Variants in PCDH15 observed in about 807,000 individuals in gnomAD.
PCDH15 encodes the protein protocadherin related 15.
In PCDH15, 129 loss-of-function variants were observed where a neutral mutation model predicts 178.5. The observed-to-expected ratio is 0.72, with a 90% confidence interval of 0.63 to 0.84. The LOEUF is 0.84. Ranked by LOEUF, PCDH15 falls within the 40% of genes least tolerant of loss-of-function variation. The pLI, the probability that PCDH15 is intolerant of heterozygous loss-of-function variation, is 0.00. For synonymous variants in PCDH15, 800 were observed against 732.0 expected (o/e 1.09, Z -1.50); for missense variants, 2,230 against 2,099.9 (o/e 1.06, Z -1.21).
chr10:54,442,414 C>CTATATATA (rs71007859), intron 3 of PCDH15, among the ~76,000 whole-genome samples: 11 of 19,160 alleles, frequency 5.7e-4, no homozygotes, highest in Admixed American at 2.4e-3. Flanking sequence ...GCCTTAAAGG[C>CTATATATA]TATATATATA....
intron 2 of PCDH15, among the ~76,000 whole-genome samples, chr10:54,583,942 AG>A (rs2091257126): frequency 1.3e-5 from 2 of 152,178 alleles, no homozygotes; most frequent in Admixed American, 1.3e-4. Flanking sequence ...AAAGATCAAT[AG>A]AAAAATATTT....
intron 2 of PCDH15, among the ~76,000 whole-genome samples, chr10:54,956,664 T>C (rs1022075641): frequency 4.0e-5 from 6 of 151,636 alleles, no homozygotes; most frequent in African/African-American, 1.4e-4. Flanking sequence ...GTAAAAGTTG[T>C]TAAAATTATT....
intron 20 of PCDH15, among the ~76,000 whole-genome samples, chr10:53,998,133 C>A (rs752498827): frequency 3.3e-5 from 5 of 152,152 alleles, no homozygotes; most frequent in Admixed American, 6.6e-5. Context: ...ATGCTCTTTT[C>A]TCTTGCCCAT....
At chr10:55,160,150 G>C (rs2589451) in intron 2 of PCDH15, among the ~76,000 whole-genome samples, 116,471 of 151,878 alleles carry the variant, frequency 0.77, 45,851 homozygotes, top group South Asian at 0.86. Context: ...GTAAAAATTT[G>C]TGCTTCTGAG....
intron 3 of PCDH15, among the ~76,000 whole-genome samples, chr10:54,493,279 G>C (rs117255312): frequency 1.8e-3 from 271 of 151,918 alleles, no homozygotes; most frequent in Non-Finnish European, 3.1e-3. Context: ...CTGTGGATAA[G>C]AGGGGACTAA....
chr10:54,295,015 T>C (rs546018056), intron 8 of PCDH15, among the ~76,000 whole-genome samples: 153 of 152,302 alleles, frequency 1.0e-3, no homozygotes, highest in African/African-American at 3.6e-3. Context: ...AGTGTGGTCA[T>C]GATGGTCTTC....
intron 2 of PCDH15, among the ~76,000 whole-genome samples, chr10:55,379,829 A>G (rs1244155106): frequency 3.3e-5 from 5 of 152,150 alleles, no homozygotes; most frequent in African/African-American, 1.2e-4. Context: ...GGGAAACAAT[A>G]TTAGGAAACA....
chr10:54,383,708 C>T (rs971597321), intron 3 of PCDH15, among the ~76,000 whole-genome samples: 3 of 148,782 alleles, frequency 2.0e-5, no homozygotes, highest in African/African-American at 7.4e-5. Context: ...TCTTCATACC[C>T]CACTCTCCTC....
intron 2 of PCDH15, among the ~76,000 whole-genome samples, chr10:55,382,787 C>T (rs576072972): frequency 6.6e-6 from 1 of 152,278 alleles, no homozygotes; most frequent in East Asian, 1.9e-4. Flanking sequence ...CTTCACGGGA[C>T]TTGAGACAGG....
chr10:55,112,396 G>T (rs1224652838), intron 2 of PCDH15, among the ~76,000 whole-genome samples: 1 of 152,136 alleles, frequency 6.6e-6, no homozygotes, highest in Non-Finnish European at 1.5e-5. Flanking sequence ...TGAGACAGGA[G>T]AATTGGGAAA....
chr10:54,187,228 T>A (rs906072685), intron 11 of PCDH15, among the ~76,000 whole-genome samples: 1 of 151,956 alleles, frequency 6.6e-6, no homozygotes, highest in Non-Finnish European at 1.5e-5. Context: ...ATTCTCTACT[T>A]CCTTTATACC....
Position 53,817,482 on chromosome 10 carries a change from C to CTA in PCDH15, c.4452+511_4452+512dup, listed in dbSNP as rs199599829. On this transcript the variant is annotated intron_variant, in intron 34 of 37. Transcript: ENST00000644397. The stretch of plus-strand genomic sequence containing the variant: ...TAAAAAGATCAAAAGTTAAGTAGTC[C>CTA]TATATATATATTCTTTGTTTTTTTT... Among the ~76,000 whole-genome samples the CTA allele has an allele frequency of 5.7e-3, 847 of 149,342 alleles. 10 individuals are homozygous for CTA. The highest frequency in any genetic ancestry group is 0.018 in the African/African-American group (739 of 40,608).
intron 8 of PCDH15, among the ~76,000 whole-genome samples, chr10:54,284,835 A>G (rs2058934818): frequency 6.6e-6 from 1 of 152,228 alleles, no homozygotes; most frequent in East Asian, 1.9e-4. Flanking sequence ...AAAATTAATC[A>G]GGAGTAGAGT....
chr10:54,531,566 C>T (rs1322087141), intron 2 of PCDH15, among the ~76,000 whole-genome samples: 1 of 152,088 alleles, frequency 6.6e-6, no homozygotes, highest in African/African-American at 2.4e-5. Context: ...TCCGAATATG[C>T]TCATTTCGTA....
At chr10:54,029,303 C>T (rs1384269754) in intron 18 of PCDH15, among the ~76,000 whole-genome samples, 1 of 151,954 alleles carries the variant, frequency 6.6e-6, no homozygotes, top group African/African-American at 2.4e-5. Flanking sequence ...ATATATTTTC[C>T]TAGAAATCAA....
At chr10:54,784,708 T>G (rs1950681669) in intron 1 of PCDH15, among the ~76,000 whole-genome samples, 1 of 149,568 alleles carries the variant, frequency 6.7e-6, no homozygotes, top group South Asian at 2.1e-4. Context: ...AGGAAAATTG[T>G]GGTGCTATGA....
chr10:53,865,027 G>C (rs1447978846), intron 27 of PCDH15, among the ~76,000 whole-genome samples: 1 of 151,950 alleles, frequency 6.6e-6, no homozygotes, highest in Non-Finnish European at 1.5e-5. Context: ...CTTGAGCCCA[G>C]GATTTTGAGG....
intron 2 of PCDH15, among the ~76,000 whole-genome samples, chr10:54,978,027 G>A (rs1471451813): frequency 6.6e-6 from 1 of 152,086 alleles, no homozygotes; most frequent in Admixed American, 6.6e-5. Context: ...TCTTAGCCTA[G>A]TTCTTAATAT....
intron 13 of PCDH15, among the ~76,000 whole-genome samples, chr10:54,172,669 T>C (rs574501456): frequency 6.6e-6 from 1 of 152,286 alleles, no homozygotes; most frequent in South Asian, 2.1e-4. Flanking sequence ...TCTAGAGCAA[T>C]ATCATATTTC....
Sources: gnomAD v4.1 joint callset for allele counts (sites outside exome capture counted in the v4.1 genomes callset) on GRCh38, gnomAD v4.1.1 for gene constraint, MANE v1.5 for transcripts, NCBI Gene and HGNC (gene_info 2026-07-23, HGNC 2026-07-21) for gene names.